The following PTP4A2 variants were observed in gnomAD, a reference collection of about 807,000 sequenced individuals.
PTP4A2 encodes protein tyrosine phosphatase 4A2, also known as protein tyrosine phosphatase type IVA 2.
Under a neutral mutation model 22.9 loss-of-function variants are expected in PTP4A2, and 2 were observed. The ratio of observed to expected loss-of-function variants is 0.09; its 90% CI spans 0.04 to 0.27. The LOEUF is 0.27. PTP4A2 is among the 10% of genes least tolerant of loss of function. The pLI is 1.00. For synonymous variants in PTP4A2, 68 were observed against 69.1 expected (o/e 0.98, Z 0.08); for missense variants, 103 against 205.1 (o/e 0.50, Z 3.04).
rs187752693 is a variant in PTP4A2 at position 31,925,512 on chromosome 1, T to C, written c.-593-5854A>G. Among the ~76,000 whole-genome samples, 262 of 152,316 alleles carry C rather than the reference T, an allele frequency of 1.7e-3. 1 individual carries two copies. The highest frequency in any genetic ancestry group is 5.0e-3 in the African/African-American group (207 of 41,576). On this transcript the variant is annotated intron_variant, in intron 1 of 5. Transcript: ENST00000647444. Reference sequence around the variant, plus strand: ...GCTCACGCCTATAATCCCAGCACTTTGGGAGGCCGAGTTGGGCAGATCACG... The same window carrying C: ...GCTCACGCCTATAATCCCAGCACTTCGGGAGGCCGAGTTGGGCAGATCACG...
At chr1:31,931,239 T>TTTTAAA (rs1652714425) in intron 1 of PTP4A2, 1 of 152,190 alleles carries the variant, frequency 6.6e-6, no homozygotes, top group African/African-American at 2.4e-5. Flanking sequence ...GTGAGAAGAA[T>TTTTAAA]GGAGTAGGAT....
intron 2 of PTP4A2, among the ~76,000 whole-genome samples, chr1:31,916,212 G>C (rs940933646): frequency 6.6e-6 from 1 of 151,290 alleles, no homozygotes; most frequent in African/African-American, 2.4e-5. Context: ...GAGTGTGGTG[G>C]TGCGGGCCTG....
intron 2 of PTP4A2, among the ~76,000 whole-genome samples, chr1:31,918,592 G>C (rs898643479): frequency 3.3e-5 from 5 of 152,216 alleles, no homozygotes; most frequent in African/African-American, 1.2e-4. Context: ...AATAATGGTA[G>C]CTACACCTCA....
intron 1 of PTP4A2, among the ~76,000 whole-genome samples, chr1:31,937,423 C>A (rs1652983936): frequency 6.6e-6 from 1 of 151,926 alleles, no homozygotes; most frequent in South Asian, 2.1e-4. Flanking sequence ...TCGCCACACA[C>A]AAAGACCAAG....
At chr1:31,911,621 C>T in intron 4 of PTP4A2, 75 bp downstream of exon 4, 1 of 1,376,006 alleles carries the variant, frequency 7.3e-7, no homozygotes, top group African/African-American at 1.5e-5. Flanking sequence ...CAAATGTCTA[C>T]CAAAGTGAAA....
chr1:31,917,792 G>A (rs1446798712), intron 2 of PTP4A2, among the ~76,000 whole-genome samples: 1 of 151,936 alleles, frequency 6.6e-6, no homozygotes, highest in Admixed American at 6.6e-5. Context: ...TGGCCAACAC[G>A]GTGAAACTTC....
In PTP4A2 at chr1:31,914,154, C is replaced by CCCAA. The variant is rs546390637; in HGVS notation, c.189+1740_189+1741insTTGG. 6.1e-4 allele frequency: 250 copies of CCCAA among 409,362 alleles called. 8 individuals carry two copies. The highest frequency in any genetic ancestry group is 3.4e-3 in the South Asian group (186 of 55,342). The allele number at this position is 409,362 out of a possible 1,614,324, so 25.4% of individuals were successfully genotyped here. On this transcript the variant is annotated intron_variant, in intron 3 of 5. Transcript: ENST00000647444. The stretch of plus-strand genomic sequence containing the variant: ...CAATCATGGCTCACTGCAGCCTTGA[C>CCCAA]CTCTCGGGTTCAGGTGATCCTCCCA...
intron 1 of PTP4A2, among the ~76,000 whole-genome samples, chr1:31,925,055 T>G (rs566296751): frequency 6.6e-6 from 1 of 152,338 alleles, no homozygotes; most frequent in South Asian, 2.1e-4. Context: ...CTGTATGCAT[T>G]CATGCACATG....
chr1:31,920,555 TGAG>T (rs1652095081), intron 1 of PTP4A2, among the ~76,000 whole-genome samples: 1 of 136,838 alleles, frequency 7.3e-6, no homozygotes. Context: ...TTTTTTTTTT[TGAG>T]ACGGAGCCTT....
At chr1:31,917,596 C>G (rs534181574) in intron 2 of PTP4A2, among the ~76,000 whole-genome samples, 2 of 152,250 alleles carry the variant, frequency 1.3e-5, no homozygotes, top group South Asian at 2.1e-4. Flanking sequence ...ATGAAAATCA[C>G]TAAGAGTTCA....
At position 31,915,976 on chromosome 1, in the gene PTP4A2, C is replaced by T. The variant is rs1651808805; in HGVS notation, c.108G>A (p.Lys36=). 1 of 1,574,272 alleles carries T rather than the reference C, an allele frequency of 6.4e-7. No homozygotes were observed. Among genetic ancestry groups the T allele is most frequent in the Non-Finnish European group, 8.6e-7 (1 of 1,162,590 alleles). The change falls in exon 3 of 6, where the codon AAG becomes AAA. Residue 36 remains lysine, a synonymous_variant. Coordinates refer to ENST00000647444, the MANE Select transcript of PTP4A2 (RefSeq NM_080391.4). ...CTCGAACCAAAGTCGTCACTCCATA[C>T]TTCTTAAGTTCCTTTAAAAAAAAAA... ...TLNKFTEELK[K]YGVTTLVRVC... is the part of the protein sequence containing the mutation.
Position 31,925,469 on chromosome 1 carries a change from T to C in PTP4A2, c.-593-5811A>G, listed in dbSNP as rs144273095. Reference sequence around the variant, plus strand: ...ATTCTAACTACAAATAAAGTGAATTTAGAGGCCGGGCGCCGTGGCTCACGC... The same window carrying C: ...ATTCTAACTACAAATAAAGTGAATTCAGAGGCCGGGCGCCGTGGCTCACGC... On this transcript the variant is annotated intron_variant, in intron 1 of 5. Transcript: ENST00000647444. 2.6e-5 allele frequency among the ~76,000 whole-genome samples: 4 copies of C among 152,214 alleles called. No homozygotes were observed. In the East Asian group the frequency reaches 5.8e-4, roughly 22 times the overall value.
At chr1:31,923,115 AGGCCAGGCT>A (rs1652270080) in intron 1 of PTP4A2, among the ~76,000 whole-genome samples, 1 of 151,632 alleles carries the variant, frequency 6.6e-6, no homozygotes, top group Non-Finnish European at 1.5e-5. Context: ...GTTTCACCAA[AGGCCAGGCT>A]GGTCTTGAAG....
At chr1:31,914,198 C>A in intron 3 of PTP4A2, 1 of 445,926 alleles carries the variant, frequency 2.2e-6, no homozygotes, top group South Asian at 1.6e-5. Flanking sequence ...TCCCAAGTAG[C>A]TAGGACTATA....
intron 1 of PTP4A2, among the ~76,000 whole-genome samples, chr1:31,929,518 T>C (rs2124254791): frequency 6.6e-6 from 1 of 152,334 alleles, no homozygotes; most frequent in South Asian, 2.1e-4. Flanking sequence ...CCCTTTATTA[T>C]AAAGTTTAAG....
rs1051435880 is a variant in PTP4A2 at position 31,913,690 on chromosome 1, T to C, written c.190-1864A>G. Reference sequence around the variant, plus strand: ...AGCTATTTAAAACAAAACAAAAACCTAAATTTAAAGGCCTGGAATAAATCT... The same window carrying C: ...AGCTATTTAAAACAAAACAAAAACCCAAATTTAAAGGCCTGGAATAAATCT... On this transcript the variant is annotated intron_variant, in intron 3 of 5. Transcript: ENST00000647444. The C allele has an allele frequency of 6.7e-5, 26 of 385,522 alleles. No homozygotes were observed. The Admixed American group carries it at 8.3e-4, about 12-fold the overall frequency. The allele number at this position is 385,522 out of a possible 1,614,324, so 23.9% of individuals were successfully genotyped here. A position where few individuals can be genotyped will look rare whatever the true frequency, so the allele number is the denominator to read the frequency against.
At chr1:31,918,010 G>C (rs998810304) in intron 2 of PTP4A2, among the ~76,000 whole-genome samples, 5 of 151,196 alleles carry the variant, frequency 3.3e-5, no homozygotes, top group Middle Eastern at 6.9e-3. Context: ...CAGCACTTTG[G>C]GAGGCCGAGG....
intron 3 of PTP4A2, chr1:31,913,855 AGTT>A (rs1454238642): frequency 2.2e-6 from 1 of 456,186 alleles, no homozygotes; most frequent in African/African-American, 2.0e-5. Flanking sequence ...TGTCAAAACA[AGTT>A]GATTTTTGCT....
intron 3 of PTP4A2, chr1:31,912,859 C>A: frequency 3.1e-6 from 1 of 317,860 alleles, no homozygotes; most frequent in Non-Finnish European, 6.3e-6. Flanking sequence ...TAGAACACTT[C>A]ATGTAGCCCA....
Sources: allele counts gnomAD v4.1 joint callset (sites outside exome capture counted in the v4.1 genomes callset), GRCh38; gene constraint gnomAD v4.1.1; transcripts MANE v1.5; gene names NCBI Gene and HGNC (gene_info 2026-07-23, HGNC 2026-07-21).